Variants in PHF24 observed in about 807,000 individuals in gnomAD.
The protein encoded by PHF24 is PHD finger protein 24.
PHF24 carries 25 observed loss-of-function variants against 42.6 expected under a neutral mutation model. The observed-to-expected ratio is 0.59, with a 90% CI of 0.43 to 0.82. The LOEUF (loss-of-function observed/expected upper bound fraction) is 0.82. Among genes scored for constraint, PHF24 ranks in the 40% least tolerant of loss-of-function variants. The probability of loss-of-function intolerance (pLI) is 0.00; values close to 1 mark genes in which losing one functional copy is unlikely to be tolerated. For missense variants in PHF24, 470 were observed against 538.1 expected, an observed-to-expected ratio of 0.87 and a Z score of 1.25; for synonymous variants, 185 against 204.8, an observed-to-expected ratio of 0.90 and a Z score of 0.83.
the PHF24 span, among the ~76,000 whole-genome samples, chr9:34,739,620 T>A: frequency 2.0e-5 from 3 of 152,086 alleles, no homozygotes; most frequent in African/African-American, 7.2e-5. Context: ...TTCCTTCCAG[T>A]GGGTTCGTGG....
chr9:34,687,353 G>A, the PHF24 span, among the ~76,000 whole-genome samples: 18 of 152,146 alleles, frequency 1.2e-4, no homozygotes, highest in African/African-American at 3.6e-4. Context: ...AAATGCTGGC[G>A]GTTTAGCATG....
chr9:34,674,121 C>T, the PHF24 span, among the ~76,000 whole-genome samples: 1 of 152,190 alleles, frequency 6.6e-6, no homozygotes, highest in Non-Finnish European at 1.5e-5. Flanking sequence ...GGGTTTTTGC[C>T]GTTTGCAACC....
chr9:34,727,352 G>A, the PHF24 span, among the ~76,000 whole-genome samples: 1 of 152,222 alleles, frequency 6.6e-6, no homozygotes, highest in Admixed American at 6.5e-5. Flanking sequence ...TTAGAACCCA[G>A]ACCAGTCTTA....
chr9:34,906,643 C>CAAAA, the PHF24 span, among the ~76,000 whole-genome samples: 3 of 66,110 alleles, frequency 4.5e-5, no homozygotes, highest in Admixed American at 1.7e-4. Context: ...GACTCCATCT[C>CAAAA]AAAAAAAAAA....
chr9:34,733,059 A>G, the PHF24 span, among the ~76,000 whole-genome samples: 1 of 152,204 alleles, frequency 6.6e-6, no homozygotes, highest in Non-Finnish European at 1.5e-5. Flanking sequence ...AGTTGAATTA[A>G]TGGGTCAAAA....
the PHF24 span, among the ~76,000 whole-genome samples, chr9:34,820,042 C>A: frequency 5.3e-5 from 8 of 151,620 alleles, no homozygotes; most frequent in Non-Finnish European, 1.2e-4. Flanking sequence ...CTGAAATGAT[C>A]GTTAATCTGG....
At chr9:34,697,915 C>G in the PHF24 span, among the ~76,000 whole-genome samples, 2 of 152,020 alleles carry the variant, frequency 1.3e-5, no homozygotes, top group Admixed American at 6.6e-5. Context: ...GGAATTCTTG[C>G]GTGGTAGAGG....
At chr9:34,692,174 C>T in the PHF24 span, among the ~76,000 whole-genome samples, 1 of 152,114 alleles carries the variant, frequency 6.6e-6, no homozygotes, top group Non-Finnish European at 1.5e-5. Flanking sequence ...AAACCCTAGA[C>T]CCTCTTTTGG....
chr9:34,851,555 G>A, the PHF24 span, among the ~76,000 whole-genome samples: 9 of 152,252 alleles, frequency 5.9e-5, no homozygotes, highest in South Asian at 2.1e-4. Context: ...TGCACTTCCC[G>A]AGTGAGGCAA....
chr9:34,773,191 T>C, the PHF24 span, among the ~76,000 whole-genome samples: 1 of 152,168 alleles, frequency 6.6e-6, no homozygotes, highest in African/African-American at 2.4e-5. Context: ...GGTTTCTCCA[T>C]GTTGGTCAGG....
chr9:34,848,276 G>T, the PHF24 span, among the ~76,000 whole-genome samples: 2 of 151,846 alleles, frequency 1.3e-5, no homozygotes, highest in East Asian at 3.9e-4. Context: ...CACAATTTCA[G>T]AGCCTGTTAT....
chr9:34,927,506 A>G, the PHF24 span, among the ~76,000 whole-genome samples: 1 of 152,202 alleles, frequency 6.6e-6, no homozygotes, highest in Non-Finnish European at 1.5e-5. Context: ...TTGCATACCC[A>G]GCAGCTCTTC....
chr9:34,926,630 T>C, the PHF24 span, among the ~76,000 whole-genome samples: 4 of 151,222 alleles, frequency 2.6e-5, no homozygotes, highest in African/African-American at 7.3e-5. This position sits in a 1 kb window ranked among gnomAD's most constrained non-coding sequence, Gnocchi z 4.3. Flanking sequence ...GGGGCTGTTT[T>C]TGGGGCCTGA....
exon 8 of PHF24, chr9:34,981,177 C>A (rs1484549471): frequency 6.6e-6 from 1 of 152,272 alleles, no homozygotes; most frequent in Non-Finnish European, 1.5e-5. Flanking sequence ...GAGGACATTG[C>A]CTCTTTCTGC....
At chr9:34,895,455 C>G in the PHF24 span, 64 of 397,430 alleles carry the variant, frequency 1.6e-4, no homozygotes, top group African/African-American at 1.3e-3. Flanking sequence ...AAATTGGGAG[C>G]TCTTCTGGTG....
chr9:34,702,678 C>T, the PHF24 span, among the ~76,000 whole-genome samples: 1 of 152,172 alleles, frequency 6.6e-6, no homozygotes, highest in African/African-American at 2.4e-5. Flanking sequence ...GGCACAGTGG[C>T]TCTTGCCTGT....
At chr9:34,922,768 CA>C in the PHF24 span, 4 of 1,592,420 alleles carry the variant, frequency 2.5e-6, no homozygotes, top group Non-Finnish European at 3.4e-6. Context: ...CGGGCTCCTA[CA>C]ACATTTTTAT....
At chr9:34,713,374 G>T in the PHF24 span, among the ~76,000 whole-genome samples, 1 of 152,226 alleles carries the variant, frequency 6.6e-6, no homozygotes. Flanking sequence ...GGTTCCCCCT[G>T]CCCACTCAGT....
At chr9:34,838,577 GCCTTGT>G in the PHF24 span, 1 of 868,552 alleles carries the variant, frequency 1.2e-6, no homozygotes. Flanking sequence ...CCAGTGCTAG[GCCTTGT>G]CATATCCACC....
Sources: gnomAD v4.1 joint callset for allele counts (sites outside exome capture counted in the v4.1 genomes callset) on GRCh38, gnomAD v4.1.1 for gene constraint, Gnocchi (gnomAD v3.1) non-coding constraint, MANE v1.5 for transcripts, NCBI Gene and HGNC (gene_info 2026-07-23, HGNC 2026-07-21) for gene names.